The following C11orf58 variants were observed in gnomAD, a reference collection of about 807,000 sequenced individuals.
C11orf58 encodes the protein small acidic protein.
A neutral mutation model predicts 22.7 loss-of-function variants in C11orf58; 5 were observed. That is an observed-to-expected ratio of 0.22 (90% CI 0.12 to 0.46). C11orf58 has a LOEUF of 0.46. Ranked by LOEUF, C11orf58 falls within the 20% of genes least tolerant of loss-of-function variation. The pLI, the probability that C11orf58 is intolerant of heterozygous loss-of-function variation, is 0.99. For missense variants in C11orf58, 151 were observed against 223.3 expected (o/e 0.68, Z 2.06); for synonymous variants, 71 against 70.7 (o/e 1.00, Z -0.02).
At chr11:16,749,986 TCA>T (rs1848519460) in intron 3 of C11orf58, 1 of 152,172 alleles carries the variant, frequency 6.6e-6, no homozygotes, top group African/African-American at 2.4e-5. Context: ...TTTGTCTCAG[TCA>T]CAGTTTTGGT....
chr11:16,747,140 T>G (rs1009760989), intron 2 of C11orf58: 2 of 152,220 alleles, frequency 1.3e-5, no homozygotes, highest in Non-Finnish European at 2.9e-5. Context: ...CTTGATGCTG[T>G]TATATTAAAA....
At chr11:16,751,042 A>G in intron 3 of C11orf58, 1 of 152,248 alleles carries the variant, frequency 6.6e-6, no homozygotes, top group East Asian at 1.9e-4. Context: ...CTGTGAGAAG[A>G]TAGACACAGA....
At position 16,738,833 on chromosome 11, in the gene C11orf58, G is replaced by C. The variant is rs1297401658; in HGVS notation, c.55G>C (p.Asp19His). 9 of 1,614,130 alleles carry C rather than the reference G, an allele frequency of 5.6e-6. No individual in the cohort carries two copies. Among genetic ancestry groups the C allele is most frequent in the African/African-American group, 1.3e-5 (1 of 75,062 alleles). ...TGGGGTGAAGCGTTCAGCCTCCCCA[G>C]ACGACGATGTAAATAATAATGGCGG... ...PHGVKRSASP[D>H]DDLGSSNWEA... is the part of the protein sequence containing the mutation. The change falls in exon 1 of 5, where the codon GAC (aspartate) becomes CAC (histidine). Residue 19 changes from aspartate (D) to histidine (H), a missense_variant. By Grantham distance (81) the Asp-to-His change is moderately conservative. Around this residue, in one of 3 missense-constraint regions of C11orf58, gnomAD observed 34 missense variants for 36.5 expected, o/e 0.93. Transcript: ENST00000228136.
rs993893753 is a variant in C11orf58, at chr11:16,754,808, C to G, written c.319-63C>G. 11 of 1,586,884 alleles carry G rather than the reference C, an allele frequency of 6.9e-6. No individual in the cohort carries two copies. The East Asian group carries it at 2.5e-4, about 36-fold the overall frequency. On this transcript the variant is annotated intron_variant, in intron 4 of 4. Transcript: ENST00000228136. ...TTCTAAGACCGACAGAACTTACGGTCTTTCTCAGATTTTGTATGGGCTAAT... is the reference window on the plus strand; with the variant it reads ...TTCTAAGACCGACAGAACTTACGGTGTTTCTCAGATTTTGTATGGGCTAAT...
chr11:16,741,303 C>T (rs1177446932), intron 1 of C11orf58, among the ~76,000 whole-genome samples: 1 of 152,066 alleles, frequency 6.6e-6, no homozygotes, highest in Non-Finnish European at 1.5e-5. Context: ...GGAGTAAATT[C>T]TAAGAGTCAC....
At chr11:16,738,978 G>C (rs1457820908) in intron 1 of C11orf58, 137 bp downstream of exon 1, 1 of 906,616 alleles carries the variant, frequency 1.1e-6, no homozygotes, top group East Asian at 2.6e-5. Context: ...AAGAATGAGT[G>C]GGAAATGCCT....
rs1335869316 is a variant in C11orf58 at position 16,758,031 on chromosome 11, C to T, written c.*2927C>T. On this transcript the variant is annotated 3_prime_UTR_variant, in exon 5 of 5. Coordinates refer to ENST00000228136, the MANE Select transcript of C11orf58 (RefSeq NM_014267.6). ...CTTTGGTTCCATTACTTGTTTCCAC[C>T]ACAGCCACATCCTAAATACTTGGAA... 1.3e-5 allele frequency among the ~76,000 whole-genome samples: 2 copies of T among 152,038 alleles called. No individual in the cohort carries two copies. Among genetic ancestry groups the T allele is most frequent in the Admixed American group, 1.3e-4 (2 of 15,250 alleles).
chr11:16,754,547 C>CTTTTTTTTTTTT lies in C11orf58; in HGVS notation c.319-297_319-286dup, dbSNP rs573626223. ...TTTTAGTTTCTCTCTCTCTCTCTCC[C>CTTTTTTTTTTTT]TTTTTTTTTTTTTTTTTTTTTTTTT... On this transcript the variant is annotated intron_variant, in intron 4 of 4. Transcript: ENST00000228136. 1.3e-4 allele frequency among the ~76,000 whole-genome samples: 4 copies of CTTTTTTTTTTTT among 31,446 alleles called. 1 individual carries two copies. The highest frequency in any genetic ancestry group is 7.5e-4 in the East Asian group (1 of 1,336). 20.6% of individuals were successfully genotyped at this position (31,446 alleles called of 152,430 possible).
chr11:16,741,127 T>C (rs965221400), intron 1 of C11orf58, among the ~76,000 whole-genome samples: 2 of 151,140 alleles, frequency 1.3e-5, no homozygotes, highest in Admixed American at 6.6e-5. Context: ...AGTTATAATA[T>C]ATAGTTGGGA....
At chr11:16,741,407 G>C (rs1414114786) in intron 1 of C11orf58, among the ~76,000 whole-genome samples, 7 of 152,224 alleles carry the variant, frequency 4.6e-5, no homozygotes, top group Admixed American at 4.6e-4. Flanking sequence ...TTGGCTTGGA[G>C]TGGAGAAATG....
chr11:16,754,651 G>A (rs1848561109), intron 4 of C11orf58, among the ~76,000 whole-genome samples: 1 of 125,284 alleles, frequency 8.0e-6, no homozygotes, highest in African/African-American at 3.0e-5. Flanking sequence ...CAATCCCCCT[G>A]CCTCTCAGCC....
At chr11:16,749,735 G>A (rs528231875) in intron 3 of C11orf58, 80 of 152,526 alleles carry the variant, frequency 5.2e-4, no homozygotes, top group African/African-American at 1.9e-3. Context: ...CTGAATTGGA[G>A]CTGAGGTGGT....
Position 16,744,669 on chromosome 11 carries a change from T to TA in C11orf58, c.133dup (p.Met45AsnfsTer33). ...AGAGAAAACAAAAGTTCTTGAGACTTATGGGTGCAGGAAAGGTAAGCATCA... is the reference window on the plus strand; with the variant it reads ...AGAGAAAACAAAAGTTCTTGAGACTTAATGGGTGCAGGAAAGGTAAGCATCA... On this transcript the variant is annotated frameshift_variant, in exon 2 of 5. Transcript: ENST00000228136. LOFTEE classifies it high-confidence loss of function. The TA allele has an allele frequency of 6.2e-7, 1 of 1,613,880 alleles. No individual in the cohort carries two copies. The highest frequency in any genetic ancestry group is 8.5e-7 in the Non-Finnish European group (1 of 1,179,860).
At chr11:16,740,502 A>C (rs1139201) in intron 1 of C11orf58, among the ~76,000 whole-genome samples, 2 of 152,064 alleles carry the variant, frequency 1.3e-5, no homozygotes, top group East Asian at 3.9e-4. Context: ...TCCCTGGCTC[A>C]GGTGATCCTC....
chr11:16,747,785 T>C, intron 2 of C11orf58: 1 of 175,640 alleles, frequency 5.7e-6, no homozygotes, highest in East Asian at 1.5e-4. Flanking sequence ...AATGTTTAGA[T>C]TGACTCAATT....
chr11:16,744,255 G>T (rs181600985), intron 1 of C11orf58: 1 of 205,600 alleles, frequency 4.9e-6, no homozygotes, highest in Non-Finnish European at 9.8e-6. Flanking sequence ...AATCATTTAA[G>T]AATTTGTTGA....
At chr11:16,747,333 C>A in intron 2 of C11orf58, 1 of 152,164 alleles carries the variant, frequency 6.6e-6, no homozygotes, top group East Asian at 1.9e-4. Flanking sequence ...GTTACTGTAT[C>A]TTCACAGATG....
At chr11:16,750,051 A>C (rs1848519886) in intron 3 of C11orf58, 1 of 152,236 alleles carries the variant, frequency 6.6e-6, no homozygotes, top group Non-Finnish European at 1.5e-5. Flanking sequence ...ACGTCCTTGG[A>C]GAGCTTCTTT....
Position 16,738,838 on chromosome 11 carries a change from C to T in C11orf58, c.60C>T (p.Asp20=). Residue 20 remains aspartate (D), a synonymous_variant, in exon 1 of 5, where the codon GAC becomes GAT. Transcript: ENST00000228136. ...HGVKRSASPD[D]DLGSSNWEAA... Reference sequence around the variant, plus strand: ...TGAAGCGTTCAGCCTCCCCAGACGACGATGTAAATAATAATGGCGGAGTGG... The same window carrying T: ...TGAAGCGTTCAGCCTCCCCAGACGATGATGTAAATAATAATGGCGGAGTGG... 1.2e-6 allele frequency: 2 copies of T among 1,613,968 alleles called. No individual in the cohort carries two copies. The highest frequency in any genetic ancestry group is 1.7e-6 in the Non-Finnish European group (2 of 1,179,972).
Sources: allele counts gnomAD v4.1 joint callset (sites outside exome capture counted in the v4.1 genomes callset), GRCh38; gene constraint gnomAD v4.1.1; regional missense constraint gnomAD v4.1.1; transcripts MANE v1.5; gene names NCBI Gene and HGNC (gene_info 2026-07-23, HGNC 2026-07-21).